TRHR: variants seen among roughly 807,000 people sequenced by gnomAD.
TRHR encodes thyrotropin releasing hormone receptor.
Under a neutral mutation model 28.0 loss-of-function variants are expected in TRHR, and 14 were observed. The observed-to-expected ratio is 0.50, with a 90% CI of 0.33 to 0.78. TRHR has a LOEUF of 0.78. Among genes scored for constraint, TRHR ranks in the 30% least tolerant of loss-of-function variants. The pLI is 0.02. For synonymous variants in TRHR, 176 were observed against 171.9 expected (o/e 1.02, Z -0.18); for missense variants, 438 against 469.5 (o/e 0.93, Z 0.62).
Position 109,119,186 on chromosome 8 carries a change from T to C in TRHR, c.928T>C (p.Tyr310His), listed in dbSNP as rs1811964941. ...WFLLFCRICI[Y>H]LNSAINPVIY... ...TTTGCTCTTTTGCAGAATTTGCATT[T>C]ATCTCAACAGTGCCATCAACCCGGT... Residue 310 changes from tyrosine to histidine, a missense_variant, in exon 3 of 3, where the codon TAT (tyrosine) becomes CAT (histidine). Coordinates refer to ENST00000518632, the MANE Select transcript of TRHR (RefSeq NM_003301.7). 7 of 1,612,830 alleles carry C rather than the reference T, an allele frequency of 4.3e-6. No homozygotes were observed. The highest frequency in any genetic ancestry group is 5.9e-6 in the Non-Finnish European group (7 of 1,179,272).
chr8:109,107,160 TG>T (rs1169585853), intron 2 of TRHR, among the ~76,000 whole-genome samples: 1 of 152,202 alleles, frequency 6.6e-6, no homozygotes, highest in East Asian at 1.9e-4. Flanking sequence ...TCCCCGGTTC[TG>T]TGTTTAAAAT....
At position 109,088,149 on chromosome 8, in the gene TRHR, T is replaced by A; in HGVS notation, c.637T>A (p.Phe213Ile). ...PMILATVLYG[F>I]IARILFLNPI... is the part of the protein sequence containing the mutation. The stretch of plus-strand genomic sequence containing the variant: ...GATCCTGGCTACCGTCCTCTATGGA[T>A]TCATAGCTAGAATCCTTTTCTTAAA... The change falls in exon 2 of 3, where the codon TTC becomes ATC. Residue 213 changes from phenylalanine (F) to isoleucine (I), a missense_variant. Phe to Ile is a conservative substitution (Grantham distance 21). Coordinates refer to ENST00000518632, the MANE Select transcript of TRHR (RefSeq NM_003301.7). The A allele has an allele frequency of 6.2e-7, 1 of 1,614,174 alleles. No individual in the cohort carries two copies. Among genetic ancestry groups the A allele is most frequent in the Non-Finnish European group, 8.5e-7 (1 of 1,180,038 alleles).
chr8:109,087,812 C>A lies in TRHR; in HGVS notation c.300C>A (p.Cys100Ter). 6.2e-7 allele frequency: 1 copy of A among 1,614,198 alleles called. No individual in the cohort carries two copies. Among genetic ancestry groups the A allele is most frequent in the Non-Finnish European group, 8.5e-7 (1 of 1,180,054 alleles). ...SWVYGYVGCLCITYLQYLGIN... is the reference protein window; with the variant it reads ...SWVYGYVGCL ...TCTATGGCTATGTTGGATGCCTCTGCATTACTTACCTCCAGTATTTGGGAA... is the reference window on the plus strand; with the variant it reads ...TCTATGGCTATGTTGGATGCCTCTGAATTACTTACCTCCAGTATTTGGGAA... Residue 100 changes from cysteine to a stop codon, truncating the protein, a stop_gained, in exon 2 of 3, where the codon TGC becomes TGA. Transcript: ENST00000518632. LOFTEE classifies it high-confidence loss of function.
At chr8:109,100,945 T>C (rs1811670609) in intron 2 of TRHR, among the ~76,000 whole-genome samples, 1 of 152,150 alleles carries the variant, frequency 6.6e-6, no homozygotes, top group Non-Finnish European at 1.5e-5. Context: ...AAGTAGTTCC[T>C]TAAGTCTGGG....
rs750709944 is a variant in TRHR at position 109,119,066 on chromosome 8, G to A, written c.808G>A (p.Val270Met). 10 of 1,612,612 alleles carry A rather than the reference G, an allele frequency of 6.2e-6. No homozygotes were observed. Among genetic ancestry groups the A allele is most frequent in the Non-Finnish European group, 7.6e-6 (9 of 1,179,088 alleles). The stretch of plus-strand genomic sequence containing the variant: ...TCCCTAGGTCACCAAGATGCTGGCA[G>A]TGGTTGTAATTCTGTTTGCCCTTTT... ...SRKQVTKMLA[V>M]VVILFALLWM... Residue 270 changes from valine (V) to methionine (M), a missense_variant, in exon 3 of 3, where the codon GTG becomes ATG. By Grantham distance (21) the Val-to-Met change is conservative. Transcript: ENST00000518632.
chr8:109,115,765 G>T (rs920283140), intron 2 of TRHR, among the ~76,000 whole-genome samples: 42 of 152,188 alleles, frequency 2.8e-4, no homozygotes, highest in African/African-American at 8.4e-4. Context: ...GGGACAATTT[G>T]ACTTCCTCTT....
chr8:109,096,497 C>A (rs1811594481), intron 2 of TRHR, among the ~76,000 whole-genome samples: 1 of 152,144 alleles, frequency 6.6e-6, no homozygotes, highest in Non-Finnish European at 1.5e-5. Flanking sequence ...CATTGTGGTA[C>A]CCTCAGCCCT....
chr8:109,105,125 C>T (rs1353940512), intron 2 of TRHR, among the ~76,000 whole-genome samples: 1 of 152,218 alleles, frequency 6.6e-6, no homozygotes, highest in African/African-American at 2.4e-5. Flanking sequence ...GGGATTTTCA[C>T]ACATCATCTC....
intron 2 of TRHR, among the ~76,000 whole-genome samples, chr8:109,115,095 C>A (rs913912037): frequency 1.3e-5 from 2 of 152,100 alleles, no homozygotes; most frequent in South Asian, 2.1e-4. Context: ...TCACCATACA[C>A]CCTATACGCT....
chr8:109,102,603 G>A (rs1811693574), intron 2 of TRHR, among the ~76,000 whole-genome samples: 1 of 152,064 alleles, frequency 6.6e-6, no homozygotes, highest in Non-Finnish European at 1.5e-5. Flanking sequence ...GAGGAAGAAA[G>A]TTGTGAGTTT....
chr8:109,087,912 C>G lies in TRHR; in HGVS notation c.400C>G (p.Gln134Glu). 1.2e-6 allele frequency: 2 copies of G among 1,614,198 alleles called. No individual in the cohort carries two copies. Among genetic ancestry groups the G allele is most frequent in the Non-Finnish European group, 8.5e-7 (1 of 1,180,026 alleles). Residue 134 changes from glutamine to glutamate, a missense_variant, in exon 2 of 3, where the codon CAG (glutamine) becomes GAG (glutamate). Physicochemically the swap from Gln to Glu is conservative, Grantham distance 29. Coordinates refer to ENST00000518632, the MANE Select transcript of TRHR (RefSeq NM_003301.7). ...YIAICHPIKA[Q>E]FLCTFSRAKK... Reference sequence around the variant, plus strand: ...AGCAATCTGTCACCCCATCAAAGCCCAGTTTCTCTGCACATTTTCCAGAGC... The same window carrying G: ...AGCAATCTGTCACCCCATCAAAGCCGAGTTTCTCTGCACATTTTCCAGAGC...
At chr8:109,106,191 C>A (rs1163397874) in intron 2 of TRHR, among the ~76,000 whole-genome samples, 1 of 151,982 alleles carries the variant, frequency 6.6e-6, no homozygotes, top group East Asian at 1.9e-4. Context: ...TTTCAACAGG[C>A]CCTAAAAATA....
chr8:109,120,361 C>G lies in TRHR; in HGVS notation c.*906C>G, dbSNP rs1230936877. 1.3e-5 allele frequency among the ~76,000 whole-genome samples: 2 copies of G among 151,790 alleles called. No individual in the cohort carries two copies. The highest frequency in any genetic ancestry group is 4.8e-5 in the African/African-American group (2 of 41,398). ...TGAACATTCTTGTTTATAAACTACT[C>G]AGCCATGTCAAGCAAATCATTCAAG... On this transcript the variant is annotated 3_prime_UTR_variant, in exon 3 of 3. Transcript: ENST00000518632.
chr8:109,109,984 A>G (rs1811806110), intron 2 of TRHR, among the ~76,000 whole-genome samples: 1 of 152,124 alleles, frequency 6.6e-6, no homozygotes, highest in Non-Finnish European at 1.5e-5. Context: ...GTCATGTTCT[A>G]CATAGCTTTA....
intron 2 of TRHR, among the ~76,000 whole-genome samples, chr8:109,093,699 C>T (rs989761267): frequency 7.3e-5 from 11 of 151,692 alleles, no homozygotes; most frequent in Admixed American, 5.3e-4. Flanking sequence ...CCACCATGCC[C>T]GGCCTATTTA....
At chr8:109,094,253 T>A (rs1423159395) in intron 2 of TRHR, among the ~76,000 whole-genome samples, 1 of 152,036 alleles carries the variant, frequency 6.6e-6, no homozygotes, top group Non-Finnish European at 1.5e-5. Context: ...TTTTTTCATT[T>A]TTCAAAATTT....
At chr8:109,104,191 C>T (rs1811718062) in intron 2 of TRHR, among the ~76,000 whole-genome samples, 1 of 152,084 alleles carries the variant, frequency 6.6e-6, no homozygotes, top group Admixed American at 6.6e-5. Flanking sequence ...TCAGTAATAT[C>T]ATCTTTCTTC....
chr8:109,093,680 A>G (rs1229509959), intron 2 of TRHR, among the ~76,000 whole-genome samples: 1 of 151,996 alleles, frequency 6.6e-6, no homozygotes, highest in Non-Finnish European at 1.5e-5. Context: ...CTGGGATTAC[A>G]GGCATGAGCC....
At chr8:109,089,739 A>G (rs1811494722) in intron 2 of TRHR, among the ~76,000 whole-genome samples, 1 of 152,196 alleles carries the variant, frequency 6.6e-6, no homozygotes, top group African/African-American at 2.4e-5. Context: ...TCTATTGACT[A>G]TCTTCCAAGA....
Sources: allele counts gnomAD v4.1 joint callset (sites outside exome capture counted in the v4.1 genomes callset), GRCh38; gene constraint gnomAD v4.1.1; transcripts MANE v1.5; gene names NCBI Gene and HGNC (gene_info 2026-07-23, HGNC 2026-07-21).